Variants in TC2N observed in about 807,000 individuals in gnomAD.
The protein encoded by TC2N is tandem C2 domains nuclear protein.
TC2N carries 51 observed loss-of-function variants against 61.9 expected under a neutral mutation model. The ratio of observed to expected loss-of-function variants is 0.82; its 90% CI spans 0.66 to 1.04. The LOEUF (loss-of-function observed/expected upper bound fraction) is 1.04, where lower values mean the gene tolerates loss of function less well. Among genes scored for constraint, TC2N ranks in the 50% least tolerant of loss-of-function variants. The pLI is 0.00. For synonymous variants in TC2N, 204 were observed against 192.6 expected (o/e 1.06, Z -0.49); for missense variants, 556 against 566.7 (o/e 0.98, Z 0.19).
At chr14:91,855,024 G>A (rs1190426595) in intron 1 of TC2N, among the ~76,000 whole-genome samples, 1 of 152,206 alleles carries the variant, frequency 6.6e-6, no homozygotes, top group Admixed American at 6.5e-5. Flanking sequence ...TTTGGGAGCT[G>A]GAGTTCTGCA....
intron 10 of TC2N, among the ~76,000 whole-genome samples, 169 bp from the exon 11 acceptor site, chr14:91,785,530 A>G (rs1255991639): frequency 6.6e-6 from 1 of 152,148 alleles, no homozygotes; most frequent in East Asian, 1.9e-4. Context: ...AAACAGTTCT[A>G]ATCAACTTTA....
intron 9 of TC2N, among the ~76,000 whole-genome samples, chr14:91,788,845 A>G (rs1189444150): frequency 6.6e-6 from 1 of 152,178 alleles, no homozygotes; most frequent in Non-Finnish European, 1.5e-5. Context: ...TGATGATAAA[A>G]CTTGTTATTT....
chr14:91,793,653 G>A (rs750771583), intron 8 of TC2N, among the ~76,000 whole-genome samples: 60 of 152,148 alleles, frequency 3.9e-4, no homozygotes, highest in Non-Finnish European at 6.9e-4. Flanking sequence ...GGAGTGCCAC[G>A]AACCACACCT....
chr14:91,857,933 TG>T (rs1265574653), intron 1 of TC2N, among the ~76,000 whole-genome samples: 1 of 152,036 alleles, frequency 6.6e-6, no homozygotes, highest in Non-Finnish European at 1.5e-5. Flanking sequence ...AGTAGAAGCT[TG>T]AAGAATATTT....
chr14:91,819,644 G>C (rs1360114138), intron 1 of TC2N, among the ~76,000 whole-genome samples: 5 of 152,056 alleles, frequency 3.3e-5, no homozygotes, highest in Non-Finnish European at 5.9e-5. Flanking sequence ...ATAAATACAT[G>C]ATTTATTATT....
At chr14:91,859,254 AT>A (rs940385134) in intron 1 of TC2N, among the ~76,000 whole-genome samples, 1 of 152,142 alleles carries the variant, frequency 6.6e-6, no homozygotes, top group Non-Finnish European at 1.5e-5. Context: ...TGTAATTAAT[AT>A]CTATGCATTT....
intron 1 of TC2N, among the ~76,000 whole-genome samples, chr14:91,850,525 A>G (rs1339833794): frequency 4.6e-5 from 7 of 152,210 alleles, no homozygotes; most frequent in African/African-American, 1.7e-4. Context: ...CACTCATATT[A>G]CCACCTGAGC....
At chr14:91,818,964 A>G (rs1251083166) in intron 1 of TC2N, among the ~76,000 whole-genome samples, 1 of 152,094 alleles carries the variant, frequency 6.6e-6, no homozygotes, top group Admixed American at 6.6e-5. Flanking sequence ...GGCATATTTG[A>G]AGAAATAATG....
intron 11 of TC2N, among the ~76,000 whole-genome samples, chr14:91,784,783 T>C (rs1885283253): frequency 6.6e-6 from 1 of 152,118 alleles, no homozygotes; most frequent in African/African-American, 2.4e-5. Flanking sequence ...AAAGTGCCCA[T>C]GTTAAACATT....
chr14:91,843,642 A>T (rs2139911513), intron 1 of TC2N, among the ~76,000 whole-genome samples: 1 of 152,290 alleles, frequency 6.6e-6, no homozygotes, highest in Admixed American at 6.5e-5. Context: ...TTTTAGGAAA[A>T]CACCTACGCC....
intron 1 of TC2N, among the ~76,000 whole-genome samples, chr14:91,827,513 C>T (rs1301438377): frequency 6.6e-6 from 1 of 152,202 alleles, no homozygotes; most frequent in East Asian, 1.9e-4. Context: ...ATTGTTACAT[C>T]TTCTCTAACT....
intron 3 of TC2N, among the ~76,000 whole-genome samples, chr14:91,805,328 A>G (rs920425362): frequency 6.6e-6 from 1 of 152,220 alleles, no homozygotes; most frequent in East Asian, 1.9e-4. Context: ...CACTGTGTTT[A>G]TATTTAAGCC....
intron 1 of TC2N, among the ~76,000 whole-genome samples, chr14:91,857,965 C>CTTTG (rs72287990): frequency 6.6e-6 from 1 of 151,752 alleles, no homozygotes; most frequent in African/African-American, 2.4e-5. Flanking sequence ...TGTTGTTGTT[C>CTTTG]TTTGTTTGTT....
At chr14:91,842,276 C>A (rs191167998) in intron 1 of TC2N, among the ~76,000 whole-genome samples, 1 of 151,816 alleles carries the variant, frequency 6.6e-6, no homozygotes. Context: ...TGAGCCTCCA[C>A]GCCTGACCTC....
At chr14:91,786,942 T>C (rs1885393840) in intron 10 of TC2N, among the ~76,000 whole-genome samples, 3 of 152,188 alleles carry the variant, frequency 2.0e-5, no homozygotes, top group Admixed American at 2.0e-4. Flanking sequence ...CTCAGTTTCA[T>C]TTATTTTTAG....
Position 91,808,322 on chromosome 14 carries a change from G to A in TC2N, c.301+3990C>T, listed in dbSNP as rs1044881089. Among the ~76,000 whole-genome samples, 4 of 152,270 alleles carry A rather than the reference G, an allele frequency of 2.6e-5. No individual in the cohort carries two copies. The South Asian group carries it at 8.3e-4, about 32-fold the overall frequency. ...AATATGGTATCCATATAGCCTAAGT[G>A]TTTAGTAGGCTACACCATCTAGGTT... On this transcript the variant is annotated intron_variant, in intron 3 of 11. Transcript: ENST00000435962.
chr14:91,858,271 C>T (rs878566), intron 1 of TC2N, among the ~76,000 whole-genome samples: 19,069 of 150,540 alleles, frequency 0.13, 1,367 homozygotes, highest in East Asian at 0.19. Flanking sequence ...AGATTACAGG[C>T]GTGAGCCATC....
chr14:91,838,944 C>T (rs1888115984), intron 1 of TC2N, among the ~76,000 whole-genome samples: 1 of 152,170 alleles, frequency 6.6e-6, no homozygotes, highest in Non-Finnish European at 1.5e-5. Context: ...AAGGATCGTC[C>T]TCAAAATACT....
Position 91,798,286 on chromosome 14 carries a change from T to C in TC2N, c.738+13A>G. 2.2e-6 allele frequency: 3 copies of C among 1,339,512 alleles called. No individual in the cohort carries two copies. Among genetic ancestry groups the C allele is most frequent in the Non-Finnish European group, 3.1e-6 (3 of 957,220 alleles). 83.0% of individuals were successfully genotyped at this position (1,339,512 alleles called of 1,614,324 possible). Reference sequence around the variant, plus strand: ...TTTTGTAATAAAAGCTGGTATTAACTATACTAATTTACCTGTAAAACTGTG... The same window carrying C: ...TTTTGTAATAAAAGCTGGTATTAACCATACTAATTTACCTGTAAAACTGTG... On this transcript the variant is annotated intron_variant, in intron 7 of 11. Coordinates refer to ENST00000435962, the MANE Select transcript of TC2N (RefSeq NM_001128596.3).
Sources: allele counts gnomAD v4.1 joint callset (sites outside exome capture counted in the v4.1 genomes callset), GRCh38; gene constraint gnomAD v4.1.1; transcripts MANE v1.5; gene names NCBI Gene and HGNC (gene_info 2026-07-23, HGNC 2026-07-21).